The following NUP205 variants were observed in gnomAD, a reference collection of about 807,000 sequenced individuals.
The protein encoded by NUP205 is nuclear pore complex protein Nup205.
A neutral mutation model predicts 253.8 loss-of-function variants in NUP205; 76 were observed. The observed-to-expected ratio is 0.30, with a 90% CI of 0.25 to 0.36. The LOEUF (loss-of-function observed/expected upper bound fraction) is 0.36, where lower values mean the gene tolerates loss of function less well. Ranked by LOEUF, NUP205 falls within the 10% of genes least tolerant of loss-of-function variation. The pLI is 1.00. For synonymous variants in NUP205, 832 were observed against 850.1 expected (o/e 0.98, Z 0.37); for missense variants, 2,162 against 2,425.5 (o/e 0.89, Z 2.28).
intron 35 of NUP205, among the ~76,000 whole-genome samples, chr7:135,631,599 T>C (rs1281820477): frequency 1.3e-5 from 2 of 152,232 alleles, no homozygotes; most frequent in African/African-American, 4.8e-5. Context: ...ACATCTGTTA[T>C]GCAACCATAA....
chr7:135,642,457 C>T (rs1480622489), intron 38 of NUP205, among the ~76,000 whole-genome samples: 5 of 151,980 alleles, frequency 3.3e-5, no homozygotes, highest in African/African-American at 9.7e-5. Flanking sequence ...AAATTGTTGA[C>T]AGGTGTGAGC....
At chr7:135,599,158 A>G (rs536455417) in intron 15 of NUP205, among the ~76,000 whole-genome samples, 3 of 152,254 alleles carry the variant, frequency 2.0e-5, no homozygotes, top group Admixed American at 2.0e-4. Flanking sequence ...AATTGAGATA[A>G]TTAGTTATAT....
chr7:135,579,228 C>T (rs1415433235), intron 7 of NUP205, among the ~76,000 whole-genome samples: 2 of 148,284 alleles, frequency 1.3e-5, no homozygotes, highest in African/African-American at 2.5e-5. Flanking sequence ...GAGTTTTGCT[C>T]TTGTTGCCCA....
rs754646549 is a variant in NUP205, at chr7:135,646,142, GT to G, written c.5813-9del. 14 of 1,597,950 alleles carry G rather than the reference GT, an allele frequency of 8.8e-6. No individual in the cohort carries two copies. The South Asian group carries it at 1.3e-4, about 15-fold the overall frequency. ...GTACTTGCACAGCCGGTATGACTCTGTTTTTTTATCTCTAGATTCCTTCGCC... is the reference window on the plus strand; with the variant it reads ...GTACTTGCACAGCCGGTATGACTCTGTTTTTTATCTCTAGATTCCTTCGCC... On this transcript the variant is annotated splice_polypyrimidine_tract_variant and intron_variant, in intron 41 of 42. Transcript: ENST00000285968.
At chr7:135,575,895 G>A (rs539679375) in intron 3 of NUP205, among the ~76,000 whole-genome samples, 22 of 152,302 alleles carry the variant, frequency 1.4e-4, no homozygotes, top group Admixed American at 6.5e-4. Flanking sequence ...AAGAAACTTA[G>A]AAATATTTGA....
At chr7:135,599,394 T>C (rs1793917314) in intron 15 of NUP205, among the ~76,000 whole-genome samples, 2 of 152,166 alleles carry the variant, frequency 1.3e-5, no homozygotes, top group Admixed American at 1.3e-4. Flanking sequence ...GCTTGCCAGG[T>C]TGTAAAAATA....
chr7:135,597,958 T>C (rs1159639164), intron 14 of NUP205, 40 bp from the exon 15 acceptor site: 2 of 1,501,704 alleles, frequency 1.3e-6, no homozygotes, highest in Non-Finnish European at 1.9e-6. Flanking sequence ...TCATAGCTAA[T>C]AGTTTTTATT....
intron 1 of NUP205, among the ~76,000 whole-genome samples, chr7:135,570,447 T>G (rs1408140139): frequency 6.6e-6 from 1 of 151,618 alleles, no homozygotes; most frequent in Non-Finnish European, 1.5e-5. Context: ...ACTCCTGACC[T>G]CAGGTAATCT....
chr7:135,587,556 T>G lies in NUP205; in HGVS notation c.1219-19T>G, dbSNP rs774801828. On this transcript the variant is annotated intron_variant, in intron 8 of 42. Coordinates refer to ENST00000285968, the MANE Select transcript of NUP205 (RefSeq NM_015135.3). Reference sequence around the variant, plus strand: ...ACAATACATTTACATATTAAAACTATATCTAATAAATTTAATAGGTGAAAC... The same window carrying G: ...ACAATACATTTACATATTAAAACTAGATCTAATAAATTTAATAGGTGAAAC... 2 of 1,458,576 alleles carry G rather than the reference T, an allele frequency of 1.4e-6. No homozygotes were observed. Among genetic ancestry groups the G allele is most frequent in the Non-Finnish European group, 1.9e-6 (2 of 1,061,942 alleles). 90.4% of individuals were successfully genotyped at this position (1,458,576 alleles called of 1,614,324 possible). A position where few individuals can be genotyped will look rare whatever the true frequency, so the allele number is the denominator to read the frequency against.
At chr7:135,630,259 T>C (rs997898033) in intron 34 of NUP205, 85 bp from the exon 35 acceptor site, 3 of 1,031,522 alleles carry the variant, frequency 2.9e-6, no homozygotes, top group Non-Finnish European at 2.6e-6. Flanking sequence ...TCCTTCAACA[T>C]TATTTATAAA....
At chr7:135,604,533 CTATGGAGGAATCA>C in intron 19 of NUP205, 73 bp downstream of exon 19, 1 of 1,367,718 alleles carries the variant, frequency 7.3e-7, no homozygotes, top group Non-Finnish European at 1.0e-6. Flanking sequence ...GTTCTAGTGT[CTATGGAGGAATCA>C]TATTCTTGGT....
At chr7:135,594,344 C>T (rs942380213) in intron 12 of NUP205, among the ~76,000 whole-genome samples, 1 of 152,090 alleles carries the variant, frequency 6.6e-6, no homozygotes, top group African/African-American at 2.4e-5. Flanking sequence ...GTCTATATCT[C>T]CTCCAGTTTT....
rs1447408057 is a variant in NUP205, at chr7:135,587,964, T to C, written c.1445T>C (p.Val482Ala). 2 of 1,613,418 alleles carry C rather than the reference T, an allele frequency of 1.2e-6. No homozygotes were observed. Among genetic ancestry groups the C allele is most frequent in the African/African-American group, 1.3e-5 (1 of 74,930 alleles). Residue 482 changes from valine to alanine, a missense_variant, in exon 10 of 43, where the codon GTG (valine) becomes GCG (alanine). Physicochemically the swap from Val to Ala is moderately conservative, Grantham distance 64 (BLOSUM62 0). Transcript: ENST00000285968. ...TPTIMGSYLGVAHQRPPQRQV... is the reference protein window; with the variant it reads ...TPTIMGSYLGAAHQRPPQRQV... ...ACTATCATGGGCTCTTATCTAGGGGTGGCTCATCAGCGGCCCCCTCAACGC... is the reference window on the plus strand; with the variant it reads ...ACTATCATGGGCTCTTATCTAGGGGCGGCTCATCAGCGGCCCCCTCAACGC...
In NUP205 at chr7:135,571,045, C is replaced by T. The variant is rs1584639376; in HGVS notation, c.29-60C>T. On this transcript the variant is annotated intron_variant, in intron 1 of 42. Transcript: ENST00000285968. ...AACTAAAATGTGTGGATGGTAACCT[C>T]ACATTATTTTTCAAGTGTATGTTTT... 5.0e-6 allele frequency: 7 copies of T among 1,392,600 alleles called. No individual in the cohort carries two copies. The East Asian group carries it at 1.6e-4, about 33-fold the overall frequency. The allele number at this position is 1,392,600 out of a possible 1,614,324, so 86.3% of individuals were successfully genotyped here. A position where few individuals can be genotyped will look rare whatever the true frequency, so the allele number is the denominator to read the frequency against.
intron 20 of NUP205, 22 bp from the exon 21 acceptor site, chr7:135,606,724 ATTTTG>A (rs747995184): frequency 6.3e-7 from 1 of 1,593,316 alleles, no homozygotes; most frequent in Non-Finnish European, 8.6e-7. Context: ...CTGTTTTGTA[ATTTTG>A]TTTTGTGATT....
chr7:135,563,479 T>C (rs942848027), intron 1 of NUP205, among the ~76,000 whole-genome samples: 18 of 152,226 alleles, frequency 1.2e-4, no homozygotes, highest in Admixed American at 3.3e-4. Context: ...TGAGCCACTG[T>C]GCCCGGCCAG....
At chr7:135,625,385 T>A (rs1794566364) in intron 32 of NUP205, 30 bp downstream of exon 32, 14 of 1,514,680 alleles carry the variant, frequency 9.2e-6, no homozygotes, top group Non-Finnish European at 1.2e-5. Flanking sequence ...TGATGTTAGA[T>A]CAAGAAGTCG....
chr7:135,606,707 C>T (rs1794092550), intron 20 of NUP205, 44 bp from the exon 21 acceptor site: 1 of 1,516,376 alleles, frequency 6.6e-7, no homozygotes, highest in Non-Finnish European at 9.1e-7. Flanking sequence ...CTTACGTTAA[C>T]TTTCCACTGT....
chr7:135,604,584 T>C, intron 19 of NUP205, 124 bp downstream of exon 19: 1 of 945,430 alleles, frequency 1.1e-6, no homozygotes, highest in Non-Finnish European at 1.6e-6. Context: ...AGAGTAAGTA[T>C]ATTTGTATAG....
Sources: gnomAD v4.1 joint callset for allele counts (sites outside exome capture counted in the v4.1 genomes callset) on GRCh38, gnomAD v4.1.1 for gene constraint, MANE v1.5 for transcripts, NCBI Gene and HGNC (gene_info 2026-07-23, HGNC 2026-07-21) for gene names.